The following MKNK1 variants were observed in gnomAD, a reference collection of about 807,000 sequenced individuals.
MKNK1 encodes the protein MAP kinase-interacting serine/threonine-protein kinase 1.
In MKNK1, 30 loss-of-function variants were observed where a neutral mutation model predicts 49.3. The ratio of observed to expected loss-of-function variants is 0.61; its 90% CI spans 0.46 to 0.83. The LOEUF (loss-of-function observed/expected upper bound fraction) is 0.83. Among genes scored for constraint, MKNK1 ranks in the 40% least tolerant of loss-of-function variants. MKNK1 has a pLI of 0.00. For synonymous variants in MKNK1, 176 were observed against 201.7 expected (o/e 0.87, Z 1.08); for missense variants, 423 against 524.7 (o/e 0.81, Z 1.89).
chr1:46,598,222 T>C (rs191260698), intron 1 of MKNK1, among the ~76,000 whole-genome samples: 162 of 152,310 alleles, frequency 1.1e-3, no homozygotes, highest in African/African-American at 3.6e-3. Context: ...GGCAAGTGAA[T>C]TGGAGGAGTC....
In MKNK1 at chr1:46,589,858, G is replaced by C. The variant is rs1469129743; in HGVS notation, c.-3+4255C>G. On this transcript the variant is annotated intron_variant, in intron 2 of 12. Coordinates refer to ENST00000371945, the MANE Select transcript of MKNK1 (RefSeq NM_001135553.4). This position sits in a 1 kb window ranked among gnomAD's most constrained non-coding sequence, Gnocchi z 4.3. ...AGCCACATTGTCCCCAAAGGAACCA[G>C]ATCTGTACTCCAAATTTTGAAGAGC... is the stretch of plus-strand genomic sequence containing the variant. Among the ~76,000 whole-genome samples, 1 of 152,104 alleles carries C rather than the reference G, an allele frequency of 6.6e-6. No homozygotes were observed. Among genetic ancestry groups the C allele is most frequent in the African/African-American group, 2.4e-5 (1 of 41,414 alleles).
intron 12 of MKNK1, chr1:46,559,667 CAG>C (rs1435474624): frequency 6.4e-6 from 1 of 155,862 alleles, no homozygotes; most frequent in African/African-American, 2.4e-5. Context: ...TTTTTTGAGA[CAG>C]ATGCTTGCTC....
rs776724314 is a variant in MKNK1 at position 46,576,590 on chromosome 1, T to C, written c.263A>G (p.Gln88Arg). ...TGATACTCACTTGTTTCCCTGACAC[T>C]GATACAGCGTCTCCACCTCTCGAAA... The part of the protein sequence containing the change: ...RVFREVETLY[Q>R]CQGNKNILEL... Residue 88 changes from glutamine to arginine, a missense_variant, in exon 5 of 13, where the codon CAG becomes CGG. Coordinates refer to ENST00000371945, the MANE Select transcript of MKNK1 (RefSeq NM_001135553.4). 37 of 1,613,818 alleles carry C rather than the reference T, an allele frequency of 2.3e-5. No individual in the cohort carries two copies. Among genetic ancestry groups the C allele is most frequent in the Non-Finnish European group, 2.8e-5 (33 of 1,179,854 alleles).
chr1:46,580,913 G>A (rs534181314), intron 3 of MKNK1, among the ~76,000 whole-genome samples: 1 of 152,270 alleles, frequency 6.6e-6, no homozygotes, highest in South Asian at 2.1e-4. Flanking sequence ...GTGCCAGACA[G>A]CATAACAGAG....
At chr1:46,581,572 A>C (rs1197706755) in intron 3 of MKNK1, among the ~76,000 whole-genome samples, 2 of 151,714 alleles carry the variant, frequency 1.3e-5, no homozygotes, top group Non-Finnish European at 2.9e-5. Flanking sequence ...ATCAGAGGAG[A>C]AGTGGTATGA....
chr1:46,576,516 C>T, intron 5 of MKNK1, 59 bp downstream of exon 5: 1 of 1,409,960 alleles, frequency 7.1e-7, no homozygotes. Context: ...AAGAAATAGC[C>T]TCCTCTTCTG....
chr1:46,568,416 T>TA, intron 8 of MKNK1, 27 bp downstream of exon 8: 1 of 1,611,306 alleles, frequency 6.2e-7, no homozygotes, highest in Non-Finnish European at 8.5e-7. Flanking sequence ...GTATAAACTA[T>TA]AACATTCCAA....
intron 2 of MKNK1, chr1:46,585,960 GA>G (rs751681820): frequency 1.5e-6 from 2 of 1,363,414 alleles, no homozygotes; most frequent in Admixed American, 1.9e-5. Context: ...GGAACTTGGA[GA>G]GTTGTTTCTG....
At chr1:46,573,494 T>C (rs1026135883) in intron 6 of MKNK1, among the ~76,000 whole-genome samples, 13 of 152,170 alleles carry the variant, frequency 8.5e-5, no homozygotes, top group Non-Finnish European at 1.3e-4. Flanking sequence ...GCTGAAGGTA[T>C]TATCTCTCTG....
chr1:46,560,000 A>G (rs1171443796), intron 12 of MKNK1, among the ~76,000 whole-genome samples: 1 of 152,082 alleles, frequency 6.6e-6, no homozygotes, highest in Non-Finnish European at 1.5e-5. Context: ...TCCTGCCAAC[A>G]GTGCTAGGAG....
At chr1:46,575,341 G>C in intron 5 of MKNK1, 1 of 217,066 alleles carries the variant, frequency 4.6e-6, no homozygotes, top group Non-Finnish European at 9.1e-6. Flanking sequence ...ATCTGCAGCC[G>C]ACTGGAAGCA....
intron 4 of MKNK1, 79 bp from the exon 5 acceptor site, chr1:46,576,733 G>A: frequency 2.5e-6 from 3 of 1,180,908 alleles, no homozygotes; most frequent in East Asian, 4.7e-5. Flanking sequence ...CTGGGAGAAT[G>A]CAAGGCCACA....
chr1:46,592,335 C>T (rs1673451887), intron 2 of MKNK1, among the ~76,000 whole-genome samples: 1 of 152,198 alleles, frequency 6.6e-6, no homozygotes, highest in African/African-American at 2.4e-5. Context: ...ACCAAGGCAC[C>T]AACAGTCTTA....
rs1569958029 is a variant in MKNK1 at position 46,558,432 on chromosome 1, A to T, written c.*143T>A. On this transcript the variant is annotated 3_prime_UTR_variant, in exon 13 of 13. Coordinates refer to ENST00000371945, the MANE Select transcript of MKNK1 (RefSeq NM_001135553.4). ...CCTAGGGAAATGGGGGTTGATGGGA[A>T]CCTCAGGGCCTTCGTAGATGAAAAA... The T allele has an allele frequency of 1.0e-5, 8 of 796,516 alleles. No homozygotes were observed. In the East Asian group the frequency reaches 2.0e-4, roughly 20 times the overall value. 49.3% of individuals were successfully genotyped at this position (796,516 alleles called of 1,614,324 possible). A position where few individuals can be genotyped will look rare whatever the true frequency, so the allele number is the denominator to read the frequency against.
intron 6 of MKNK1, among the ~76,000 whole-genome samples, chr1:46,572,517 C>A (rs1034439613): frequency 6.6e-6 from 1 of 152,030 alleles, no homozygotes; most frequent in African/African-American, 2.4e-5. Flanking sequence ...TGCGCCTGGC[C>A]GTATAACTTC....
chr1:46,595,297 G>T (rs922216534), intron 1 of MKNK1, among the ~76,000 whole-genome samples: 59 of 144,972 alleles, frequency 4.1e-4, no homozygotes, highest in African/African-American at 1.5e-3. Flanking sequence ...CCCTGAAAAT[G>T]CAGTTTAACT....
At chr1:46,571,150 G>A (rs775900496) in intron 7 of MKNK1, among the ~76,000 whole-genome samples, 3 of 152,232 alleles carry the variant, frequency 2.0e-5, no homozygotes, top group Non-Finnish European at 4.4e-5. Context: ...TGAATAATCA[G>A]TCATAGGAAA....
At chr1:46,577,455 T>A (rs1203265738) in intron 4 of MKNK1, among the ~76,000 whole-genome samples, 7 of 152,134 alleles carry the variant, frequency 4.6e-5, no homozygotes, top group South Asian at 4.1e-4. Context: ...CACTCCAGCC[T>A]AAGTAACAGA....
chr1:46,582,553 C>T (rs986416661), intron 3 of MKNK1, among the ~76,000 whole-genome samples: 1 of 152,212 alleles, frequency 6.6e-6, no homozygotes, highest in Non-Finnish European at 1.5e-5. Flanking sequence ...CGAAAGAAAA[C>T]AAAACAGATG....
Sources: allele counts gnomAD v4.1 joint callset (sites outside exome capture counted in the v4.1 genomes callset), GRCh38; gene constraint gnomAD v4.1.1; non-coding constraint Gnocchi (gnomAD v3.1); transcripts MANE v1.5; gene names NCBI Gene and HGNC (gene_info 2026-07-23, HGNC 2026-07-21).